TRMT9B: variants seen among roughly 807,000 people sequenced by gnomAD.
The protein encoded by TRMT9B is probable tRNA methyltransferase 9B.
A neutral mutation model predicts 11.5 loss-of-function variants in TRMT9B; 16 were observed. That is an observed-to-expected ratio of 1.39 (90% confidence interval 0.94 to 2.11). TRMT9B has a LOEUF of 2.11. TRMT9B is among the 30% of genes most tolerant of loss of function. The pLI, the probability that TRMT9B is intolerant of heterozygous loss-of-function variation, is 0.00. For missense variants in TRMT9B, 941 were observed against 553.8 expected (o/e 1.70, Z -7.02); for synonymous variants, 274 against 192.4 (o/e 1.42, Z -3.51).
At chr8:12,961,823 C>G (rs1473735994) in intron 1 of TRMT9B, 1 of 152,112 alleles carries the variant, frequency 6.6e-6, no homozygotes, top group Admixed American at 6.6e-5. Context: ...AGCTCTGTTG[C>G]CTTAATCCCA....
intron 2 of TRMT9B, among the ~76,000 whole-genome samples, chr8:12,994,929 G>T (rs1486627854): frequency 1.3e-5 from 2 of 152,084 alleles, no homozygotes; most frequent in Non-Finnish European, 1.5e-5. Context: ...TGATCCACTC[G>T]CCTCGGCCTC....
intron 1 of TRMT9B, among the ~76,000 whole-genome samples, chr8:12,951,037 G>A (rs1306362677): frequency 6.6e-6 from 1 of 152,180 alleles, no homozygotes; most frequent in Admixed American, 6.5e-5. Flanking sequence ...GGCGGTTGAA[G>A]ATACTATTAC....
At chr8:12,964,060 C>T (rs1214676997) in intron 1 of TRMT9B, among the ~76,000 whole-genome samples, 1 of 152,174 alleles carries the variant, frequency 6.6e-6, no homozygotes, top group African/African-American at 2.4e-5. Flanking sequence ...TGTAACTTCT[C>T]ATTTTCTAAC....
intron 3 of TRMT9B, chr8:13,012,251 C>T: frequency 2.4e-5 from 24 of 985,588 alleles, no homozygotes; most frequent in Non-Finnish European, 2.9e-5. Context: ...ACCTTCACAC[C>T]ATGTTGTATT....
intron 3 of TRMT9B, chr8:13,011,381 C>G: frequency 1.0e-6 from 1 of 985,150 alleles, no homozygotes; most frequent in Non-Finnish European, 1.2e-6. Flanking sequence ...TTGAAAGTGC[C>G]TAGTAAGGAG....
At chr8:12,947,050 G>C (rs909607320) in intron 1 of TRMT9B, among the ~76,000 whole-genome samples, 1 of 152,216 alleles carries the variant, frequency 6.6e-6, no homozygotes, top group Admixed American at 6.5e-5. Context: ...AAATGACAAA[G>C]ACAGCTCTTG....
At position 13,021,244 on chromosome 8, in the gene TRMT9B, C is replaced by T. The variant is rs756758667; in HGVS notation, c.565C>T (p.Pro189Ser). 3.7e-6 allele frequency: 6 copies of T among 1,613,986 alleles called. No individual in the cohort carries two copies. In the Admixed American group the frequency reaches 5.0e-5, roughly 13 times the overall value. Residue 189 changes from proline (P) to serine (S), a missense_variant, in exon 5 of 5, where the codon CCC (proline) becomes TCC (serine). Physicochemically the swap from Pro to Ser is moderately conservative, Grantham distance 74. Coordinates refer to ENST00000524591, the MANE Select transcript of TRMT9B (RefSeq NM_020844.3). Reference protein sequence around the residue: ...RQCGYPERGHPYHPPCSECSC... With the variant: ...RQCGYPERGHSYHPPCSECSC... Reference sequence around the variant, plus strand: ...GTGTGGATACCCAGAAAGAGGCCATCCCTACCATCCTCCTTGCTCTGAGTG... The same window carrying T: ...GTGTGGATACCCAGAAAGAGGCCATTCCTACCATCCTCCTTGCTCTGAGTG...
Position 12,990,990 on chromosome 8 carries a change from A to G in TRMT9B, c.-43A>G, listed in dbSNP as rs948678824. 40 of 1,283,414 alleles carry G rather than the reference A, an allele frequency of 3.1e-5. No homozygotes were observed. The highest frequency in any genetic ancestry group is 4.1e-5 in the Non-Finnish European group (40 of 985,282). 79.5% of individuals were successfully genotyped at this position (1,283,414 alleles called of 1,614,324 possible). A position where few individuals can be genotyped will look rare whatever the true frequency, so the allele number is the denominator to read the frequency against. ...GGAGGTGGAGACTGCCGTGATTCAC[A>G]AAGACAAGAGGTAATTTTCCTGTAA... On this transcript the variant is annotated 5_prime_UTR_variant, in exon 2 of 5. Transcript: ENST00000524591.
intron 2 of TRMT9B, among the ~76,000 whole-genome samples, chr8:13,005,429 G>T (rs1268357737): frequency 6.6e-6 from 1 of 152,152 alleles, no homozygotes; most frequent in African/African-American, 2.4e-5. Flanking sequence ...GACTAAAAGA[G>T]TATATTGGAT....
intron 1 of TRMT9B, among the ~76,000 whole-genome samples, chr8:12,972,730 C>G (rs1455392886): frequency 1.3e-5 from 2 of 152,146 alleles, no homozygotes; most frequent in Non-Finnish European, 2.9e-5. Flanking sequence ...CCCAAATACG[C>G]TAGGTGACAA....
chr8:12,955,865 C>T (rs1020910325), intron 1 of TRMT9B, among the ~76,000 whole-genome samples: 1 of 152,104 alleles, frequency 6.6e-6, no homozygotes, highest in Admixed American at 6.5e-5. Context: ...TGATGGGCCC[C>T]CAGGGTTGCT....
rs1268117621 is a variant in TRMT9B at position 13,021,257 on chromosome 8, C to G, written c.578C>G (p.Pro193Arg). Residue 193 changes from proline (P) to arginine (R), a missense_variant, in exon 5 of 5, where the codon CCT becomes CGT. Pro to Arg is a moderately radical substitution (Grantham distance 103). Coordinates refer to ENST00000524591, the MANE Select transcript of TRMT9B (RefSeq NM_020844.3). The stretch of plus-strand genomic sequence containing the variant: ...GAAAGAGGCCATCCCTACCATCCTC[C>G]TTGCTCTGAGTGTAGCTGTTCTGTT... ...YPERGHPYHPPCSECSCSVCF... is the reference protein window; with the variant it reads ...YPERGHPYHPRCSECSCSVCF... 1.2e-6 allele frequency: 2 copies of G among 1,614,024 alleles called. No homozygotes were observed. Among genetic ancestry groups the G allele is most frequent in the East Asian group, 2.2e-5 (1 of 44,880 alleles).
chr8:13,000,125 C>T (rs1809144048), intron 2 of TRMT9B, among the ~76,000 whole-genome samples: 1 of 152,102 alleles, frequency 6.6e-6, no homozygotes, highest in South Asian at 2.1e-4. Context: ...CAGGCTGATG[C>T]CTCCAGGACA....
intron 1 of TRMT9B, among the ~76,000 whole-genome samples, chr8:12,950,537 T>TTTTCTTTCTTTCTTTCTTTC (rs59371113): frequency 0.013 from 1,893 of 149,466 alleles, 38 homozygotes; most frequent in Non-Finnish European, 0.018. Context: ...ACTCGTGGTT[T>TTTTCTTTCTTTCTTTCTTTC]TTTCTTTCTT....
At chr8:13,000,882 T>A (rs1016810097) in intron 2 of TRMT9B, among the ~76,000 whole-genome samples, 15 of 152,060 alleles carry the variant, frequency 9.9e-5, no homozygotes, top group Non-Finnish European at 2.1e-4. Context: ...TAGAACAGGG[T>A]ATGGATTTGA....
intron 1 of TRMT9B, among the ~76,000 whole-genome samples, chr8:12,976,461 CG>C (rs1197230797): frequency 6.6e-6 from 1 of 151,594 alleles, no homozygotes; most frequent in Admixed American, 6.6e-5. Flanking sequence ...GCATATGGGC[CG>C]GGTGCAGTGG....
At chr8:12,951,836 C>G (rs936323265) in intron 1 of TRMT9B, 1 of 151,896 alleles carries the variant, frequency 6.6e-6, no homozygotes, top group Admixed American at 6.6e-5. Context: ...GCGGGCCAAG[C>G]TGGCCTGCGG....
intron 1 of TRMT9B, among the ~76,000 whole-genome samples, chr8:12,989,015 C>G (rs1679175652): frequency 1.3e-5 from 2 of 152,108 alleles, no homozygotes; most frequent in African/African-American, 4.8e-5. Context: ...TGCCTTACAT[C>G]TGCCAGAGAT....
At position 13,006,226 on chromosome 8, in the gene TRMT9B, G is replaced by T; in HGVS notation, c.24G>T (p.Leu8=). The T allele has an allele frequency of 6.2e-7, 1 of 1,613,924 alleles. No homozygotes were observed. Among genetic ancestry groups the T allele is most frequent in the South Asian group, 1.1e-5 (1 of 91,038 alleles). Reference sequence around the variant, plus strand: ...GGATGGATCATGAAGCCGCCCAGCTGGAGAAGCAGCATGTGCACAATGTGT... The same window carrying T: ...GGATGGATCATGAAGCCGCCCAGCTTGAGAAGCAGCATGTGCACAATGTGT... MDHEAAQ[L]EKQHVHNVYE... Residue 8 remains leucine, a synonymous_variant, in exon 3 of 5, where the codon CTG becomes CTT. Transcript: ENST00000524591.
Sources: allele counts gnomAD v4.1 joint callset (sites outside exome capture counted in the v4.1 genomes callset), GRCh38; gene constraint gnomAD v4.1.1; transcripts MANE v1.5; gene names NCBI Gene and HGNC (gene_info 2026-07-23, HGNC 2026-07-21).